The following FYCO1 variants were observed in gnomAD, a reference collection of about 807,000 sequenced individuals.
The protein encoded by FYCO1 is FYVE and coiled-coil domain-containing protein 1.
A neutral mutation model predicts 165.1 loss-of-function variants in FYCO1; 122 were observed. The ratio of observed to expected loss-of-function variants is 0.74; its 90% CI spans 0.64 to 0.86. The LOEUF is 0.86. FYCO1 is among the 40% of genes least tolerant of loss of function. The pLI is 0.00. For missense variants in FYCO1, 1,702 were observed against 1,810.3 expected, an observed-to-expected ratio of 0.94 and a Z score of 1.09; for synonymous variants, 648 against 742.5, an observed-to-expected ratio of 0.87 and a Z score of 2.07.
Position 45,921,671 on chromosome 3 carries a change from T to C in FYCO1, c.*94A>G. 1 of 883,018 alleles carries C rather than the reference T, an allele frequency of 1.1e-6. No homozygotes were observed. The highest frequency in any genetic ancestry group is 2.6e-5 in the East Asian group (1 of 39,040). 54.7% of individuals were successfully genotyped at this position (883,018 alleles called of 1,614,324 possible). Reference sequence around the variant, plus strand: ...AGCCCAGGGGCTGAGTTGATGATTTTGGAGCAGCTGACTTTTTAAAAAAAT... The same window carrying C: ...AGCCCAGGGGCTGAGTTGATGATTTCGGAGCAGCTGACTTTTTAAAAAAAT... On this transcript the variant is annotated 3_prime_UTR_variant, in exon 18 of 18. Transcript: ENST00000296137.
intron 13 of FYCO1, among the ~76,000 whole-genome samples, chr3:45,956,135 G>A (rs188108896): frequency 1.1e-4 from 17 of 152,204 alleles, no homozygotes; most frequent in Non-Finnish European, 2.1e-4. Flanking sequence ...CAGGAGTTCA[G>A]TACCAGCCTG....
Position 45,964,398 on chromosome 3 carries a change from C to A in FYCO1, c.3207G>T (p.Glu1069Asp). The stretch of plus-strand genomic sequence containing the variant: ...CCTTCCTCAGCATGGCCGCCTGGCA[C>A]TCTGCAAGATGGTTGCTAGTGCAGC... ...KLSCTSNHLA[E>D]CQAAMLRKDK... Residue 1069 changes from glutamate (E) to aspartate (D), a missense_variant, in exon 10 of 18, where the codon GAG (glutamate) becomes GAT (aspartate). Transcript: ENST00000296137. The surrounding 1 kb of genome is among the most constrained non-coding windows in gnomAD (Gnocchi z 4.1). The A allele has an allele frequency of 1.9e-6, 3 of 1,614,140 alleles. No individual in the cohort carries two copies. The South Asian group carries it at 3.3e-5, about 18-fold the overall frequency.
chr3:45,992,037 C>A (rs1201010115), intron 1 of FYCO1, among the ~76,000 whole-genome samples: 1 of 152,196 alleles, frequency 6.6e-6, no homozygotes, highest in African/African-American at 2.4e-5. Context: ...AGGAGAGAGG[C>A]CTCAGGAGAA....
Position 45,984,652 on chromosome 3 carries a change from C to T in FYCO1, c.55+204G>A. On this transcript the variant is annotated intron_variant, in intron 2 of 17. Coordinates refer to ENST00000296137, the MANE Select transcript of FYCO1 (RefSeq NM_024513.4). ...GTTTACAAACTGGCTTTACAGTTCTCTGAAAGGAAACCAGGCAAGCTTTCC... is the reference window on the plus strand; with the variant it reads ...GTTTACAAACTGGCTTTACAGTTCTTTGAAAGGAAACCAGGCAAGCTTTCC... The T allele has an allele frequency of 7.5e-6, 5 of 669,240 alleles. No homozygotes were observed. The South Asian group carries it at 8.5e-5, about 11-fold the overall frequency. The allele number at this position is 669,240 out of a possible 1,614,324, so 41.5% of individuals were successfully genotyped here. A position where few individuals can be genotyped will look rare whatever the true frequency, so the allele number is the denominator to read the frequency against.
At chr3:45,991,399 G>A (rs2125882265) in intron 1 of FYCO1, among the ~76,000 whole-genome samples, 1 of 152,270 alleles carries the variant, frequency 6.6e-6, no homozygotes, top group South Asian at 2.1e-4. Context: ...AGCTTGTGAG[G>A]CCCTTTACAG....
chr3:45,966,193 A>G (rs781340530), intron 8 of FYCO1, 84 bp downstream of exon 8: 31 of 1,442,090 alleles, frequency 2.1e-5, no homozygotes, highest in Non-Finnish European at 2.7e-5. Context: ...CACCTGCCTC[A>G]TGGCTAAAGG....
intron 16 of FYCO1, among the ~76,000 whole-genome samples, chr3:45,930,001 C>T (rs1440087642): frequency 2.0e-5 from 3 of 152,184 alleles, no homozygotes; most frequent in Non-Finnish European, 4.4e-5. Flanking sequence ...CTCGAGGGCA[C>T]CCAGTGGACC....
At chr3:45,938,119 G>A in intron 14 of FYCO1, 2 of 821,644 alleles carry the variant, frequency 2.4e-6, no homozygotes, top group Non-Finnish European at 3.6e-6. Context: ...GATAAAAGAT[G>A]TCCTAATCTA....
At chr3:45,942,610 A>G (rs1459484384) in intron 14 of FYCO1, among the ~76,000 whole-genome samples, 2 of 152,194 alleles carry the variant, frequency 1.3e-5, no homozygotes, top group African/African-American at 4.8e-5. Context: ...CCTCTCCACT[A>G]CAAGGCACTG....
In FYCO1 at chr3:45,931,787, G is replaced by A. The variant is rs141885013; in HGVS notation, c.4041-506C>T. On this transcript the variant is annotated intron_variant, in intron 15 of 17. Transcript: ENST00000296137. ...GTCCATCTTCTCAGCTGCATCTGGCGTCCATTGTAAGATTCCACATGGACA... is the reference window on the plus strand; with the variant it reads ...GTCCATCTTCTCAGCTGCATCTGGCATCCATTGTAAGATTCCACATGGACA... Among the ~76,000 whole-genome samples the A allele has an allele frequency of 3.9e-4, 60 of 152,216 alleles. No individual in the cohort carries two copies. The East Asian group carries it at 4.8e-3, about 12-fold the overall frequency.
chr3:45,955,415 G>A lies in FYCO1; in HGVS notation c.3800-22C>T, dbSNP rs1400380383. 6 of 1,613,842 alleles carry A rather than the reference G, an allele frequency of 3.7e-6. No homozygotes were observed. The African/African-American group carries it at 6.7e-5, about 18-fold the overall frequency. On this transcript the variant is annotated intron_variant, in intron 13 of 17. Coordinates refer to ENST00000296137, the MANE Select transcript of FYCO1 (RefSeq NM_024513.4). ...GCTCCTGGGCAGCAGAGGCAGATCA[G>A]GAGAGAAGAGACACAACACACTGTT...
chr3:45,920,876 C>T lies in FYCO1; in HGVS notation c.*889G>A, dbSNP rs1339735218. 1 of 152,630 alleles carries T rather than the reference C, an allele frequency of 6.6e-6. No individual in the cohort carries two copies. The highest frequency in any genetic ancestry group is 1.5e-5 in the Non-Finnish European group (1 of 68,064). 9.5% of individuals were successfully genotyped at this position (152,630 alleles called of 1,614,324 possible). ...CTTATTTATATAAACAAAAGTGGGCCATCAGCTGAGGAGTAGCTCTAAAGC... is the reference window on the plus strand; with the variant it reads ...CTTATTTATATAAACAAAAGTGGGCTATCAGCTGAGGAGTAGCTCTAAAGC... On this transcript the variant is annotated 3_prime_UTR_variant, in exon 18 of 18. Coordinates refer to ENST00000296137, the MANE Select transcript of FYCO1 (RefSeq NM_024513.4).
At chr3:45,974,076 C>G (rs1706593263) in intron 5 of FYCO1, among the ~76,000 whole-genome samples, 2 of 152,040 alleles carry the variant, frequency 1.3e-5, no homozygotes, top group South Asian at 4.1e-4. Flanking sequence ...TACCCCAACC[C>G]TTGCCCAAAA....
At chr3:45,931,620 A>G (rs1703632508) in intron 15 of FYCO1, among the ~76,000 whole-genome samples, 2 of 152,266 alleles carry the variant, frequency 1.3e-5, no homozygotes, top group South Asian at 4.1e-4. Flanking sequence ...GACAGGAAGC[A>G]AGTGCCGAGG....
At chr3:45,951,465 G>A (rs1489291569) in intron 14 of FYCO1, among the ~76,000 whole-genome samples, 2 of 152,176 alleles carry the variant, frequency 1.3e-5, no homozygotes, top group African/African-American at 4.8e-5. Flanking sequence ...GGGGGAGGCC[G>A]GGCCTCAAGG....
chr3:45,953,945 C>T (rs1019739214), intron 14 of FYCO1, among the ~76,000 whole-genome samples: 6 of 152,236 alleles, frequency 3.9e-5, no homozygotes, highest in Admixed American at 2.6e-4. Context: ...ATGGCATCCT[C>T]GCCAAGCCTG....
In FYCO1 at chr3:45,962,420, A is replaced by C. The variant is rs1705754803; in HGVS notation, c.3270-28T>G. 1.2e-6 allele frequency: 2 copies of C among 1,609,692 alleles called. No homozygotes were observed. The highest frequency in any genetic ancestry group is 2.7e-5 in the African/African-American group (2 of 74,434). The stretch of plus-strand genomic sequence containing the variant: ...GGGGGAGGAGTGGTAAGTTTTCTTG[A>C]TTAGCCAGGACTTCCAGCTTTCCCA... On this transcript the variant is annotated intron_variant, in intron 10 of 17. Transcript: ENST00000296137. This position sits in a 1 kb window ranked among gnomAD's most constrained non-coding sequence, Gnocchi z 4.4.
In FYCO1 at chr3:45,958,439, G is replaced by T; in HGVS notation, c.3768C>A (p.Ala1256=). The change falls in exon 13 of 18, where the codon GCC becomes GCA. Residue 1256 remains alanine, a synonymous_variant. Transcript: ENST00000296137. ...CTCCTGTGGCCTGGGGCCCAGGTGA[G>T]GCTGGTGACAGTGCAGGGCTGGGCT... is the stretch of plus-strand genomic sequence containing the variant. ...QGEPSPALSP[A]SPGPQATGGQ... is the part of the protein sequence containing the mutation. 6.2e-7 allele frequency: 1 copy of T among 1,612,854 alleles called. No homozygotes were observed. Among genetic ancestry groups the T allele is most frequent in the Non-Finnish European group, 8.5e-7 (1 of 1,180,018 alleles).
chr3:45,969,481 T>C (rs951057587), intron 7 of FYCO1, among the ~76,000 whole-genome samples, 194 bp downstream of exon 7: 3 of 152,210 alleles, frequency 2.0e-5, no homozygotes, highest in East Asian at 1.9e-4. Flanking sequence ...TTTAGAAGAA[T>C]GTAATTTTAA....
Sources: allele counts gnomAD v4.1 joint callset (sites outside exome capture counted in the v4.1 genomes callset), GRCh38; gene constraint gnomAD v4.1.1; non-coding constraint Gnocchi (gnomAD v3.1); transcripts MANE v1.5; gene names NCBI Gene and HGNC (gene_info 2026-07-23, HGNC 2026-07-21).